NEBL: variants seen among roughly 807,000 people sequenced by gnomAD.
NEBL encodes the protein nebulette.
Under a neutral mutation model 140.2 loss-of-function variants are expected in NEBL, and 122 were observed. The ratio of observed to expected loss-of-function variants is 0.87; its 90% CI spans 0.75 to 1.01. The LOEUF (loss-of-function observed/expected upper bound fraction) is 1.01, where lower values mean the gene tolerates loss of function less well. Among genes scored for constraint, NEBL ranks in the 50% least tolerant of loss-of-function variants. The pLI is 0.00. For synonymous variants in NEBL, 436 were observed against 398.9 expected, an observed-to-expected ratio of 1.09 and a Z score of -1.11; for missense variants, 1,365 against 1,231.3, an observed-to-expected ratio of 1.11 and a Z score of -1.62.
intron 2 of NEBL, among the ~76,000 whole-genome samples, chr10:21,107,156 T>A (rs1332927095): frequency 6.6e-6 from 1 of 152,220 alleles, no homozygotes; most frequent in Non-Finnish European, 1.5e-5. Context: ...CCTCTTTTCC[T>A]AATTGAATAC....
rs1837179536 is a variant in NEBL at position 20,984,529 on chromosome 10, A to G, written c.250-22750T>C. Among the ~76,000 whole-genome samples the G allele has an allele frequency of 2.0e-5, 3 of 152,126 alleles. 1 individual carries two copies. The South Asian group carries it at 6.2e-4, about 32-fold the overall frequency. ...TTTGACAATGAGATGTCTCTCCCCT[A>G]GTTGAAATTCGACTTGTTTTAAGCC... On this transcript the variant is annotated intron_variant, in intron 3 of 6. Coordinates refer to the NEBL transcript ENST00000417816.
chr10:21,191,197 A>T (rs1246871132), intron 3 of NEBL, among the ~76,000 whole-genome samples: 2 of 152,156 alleles, frequency 1.3e-5, no homozygotes, highest in Non-Finnish European at 2.9e-5. Context: ...AGTACTCTTA[A>T]ATCTGATATA....
At chr10:21,061,316 A>AAC (rs1263398978) in intron 2 of NEBL, among the ~76,000 whole-genome samples, 2,047 of 139,074 alleles carry the variant, frequency 0.015, 51 homozygotes, top group East Asian at 0.049. Flanking sequence ...TGTGATATGT[A>AAC]ATATATTACA....
chr10:21,118,047 T>C (rs1405327703), intron 2 of NEBL, among the ~76,000 whole-genome samples: 3 of 152,160 alleles, frequency 2.0e-5, no homozygotes, highest in African/African-American at 7.2e-5. Context: ...TAGCCATCAT[T>C]ATGATTTCCT....
chr10:21,214,443 A>G (rs1199764452), intron 3 of NEBL, among the ~76,000 whole-genome samples: 2 of 152,108 alleles, frequency 1.3e-5, no homozygotes, highest in Non-Finnish European at 2.9e-5. Context: ...TAACTACCCC[A>G]TACACACATG....
intron 2 of NEBL, among the ~76,000 whole-genome samples, chr10:21,086,668 C>T (rs1836646076): frequency 6.6e-6 from 1 of 152,076 alleles, no homozygotes. Context: ...GTCCCAGCTA[C>T]TTGGAAGCCA....
At chr10:20,823,614 A>G (rs1311624307) in intron 18 of NEBL, among the ~76,000 whole-genome samples, 1 of 152,186 alleles carries the variant, frequency 6.6e-6, no homozygotes, top group African/African-American at 2.4e-5. Context: ...ATTATCGTAA[A>G]TAAAATGATT....
chr10:20,816,467 T>C (rs896950378), intron 21 of NEBL, among the ~76,000 whole-genome samples: 1 of 152,186 alleles, frequency 6.6e-6, no homozygotes, highest in African/African-American at 2.4e-5. Flanking sequence ...CTTGTCTAAA[T>C]AACCATGTTC....
At chr10:21,110,214 T>G (rs1457785274) in intron 2 of NEBL, among the ~76,000 whole-genome samples, 1 of 152,180 alleles carries the variant, frequency 6.6e-6, no homozygotes, top group Non-Finnish European at 1.5e-5. Context: ...TTCTATTTAC[T>G]GAAAGAGTCT....
intron 3 of NEBL, among the ~76,000 whole-genome samples, chr10:20,991,131 T>C (rs1295122145): frequency 6.6e-6 from 1 of 152,220 alleles, no homozygotes. Flanking sequence ...TTGGTTCATT[T>C]AACAATTTTC....
intron 4 of NEBL, among the ~76,000 whole-genome samples, chr10:20,904,539 T>C (rs1252699497): frequency 6.6e-6 from 1 of 152,224 alleles, no homozygotes; most frequent in East Asian, 1.9e-4. Context: ...CTCTCAATTG[T>C]GAAATTTAGC....
intron 2 of NEBL, among the ~76,000 whole-genome samples, chr10:21,251,443 T>C (rs909076072): frequency 2.0e-5 from 3 of 152,156 alleles, no homozygotes; most frequent in Admixed American, 6.6e-5. Flanking sequence ...TATTTAATAT[T>C]AAGATTTTCT....
intron 4 of NEBL, among the ~76,000 whole-genome samples, chr10:20,957,425 C>G (rs1484593648): frequency 9.2e-5 from 14 of 152,130 alleles, no homozygotes; most frequent in Middle Eastern, 3.4e-3. Flanking sequence ...AGTAGGCAAG[C>G]AATTCTTATA....
intron 12 of NEBL, among the ~76,000 whole-genome samples, chr10:20,842,565 T>C (rs1841498387): frequency 2.0e-5 from 3 of 152,242 alleles, no homozygotes; most frequent in South Asian, 4.1e-4. Flanking sequence ...AGACAAGCTA[T>C]AACTATTTTT....
chr10:21,237,853 C>T (rs188844328), intron 3 of NEBL, among the ~76,000 whole-genome samples: 436 of 152,304 alleles, frequency 2.9e-3, no homozygotes, highest in Non-Finnish European at 5.1e-3. Flanking sequence ...GTGATCCACC[C>T]GCCTCAATCT....
chr10:20,947,722 C>A (rs901004002), intron 4 of NEBL, among the ~76,000 whole-genome samples: 2 of 149,802 alleles, frequency 1.3e-5, no homozygotes, highest in Admixed American at 6.7e-5. Flanking sequence ...CACACAGTGT[C>A]AGGAGACAAA....
chr10:21,107,884 G>C (rs959764950), intron 2 of NEBL, among the ~76,000 whole-genome samples: 12 of 152,084 alleles, frequency 7.9e-5, no homozygotes, highest in African/African-American at 2.7e-4. Context: ...ACTTCTCCCT[G>C]GTTTAGTCTT....
chr10:20,877,448 C>T (rs1344195837), intron 5 of NEBL, among the ~76,000 whole-genome samples: 6 of 152,182 alleles, frequency 3.9e-5, no homozygotes, highest in East Asian at 3.8e-4. Flanking sequence ...GGAAGTCCTT[C>T]GTAAGACTTT....
chr10:21,160,641 G>T (rs934396407), intron 2 of NEBL, among the ~76,000 whole-genome samples: 11 of 151,450 alleles, frequency 7.3e-5, no homozygotes, highest in African/African-American at 2.4e-4. Context: ...AGAGATAGTG[G>T]GGTTGGGGAG....
Sources: gnomAD v4.1 joint callset for allele counts (sites outside exome capture counted in the v4.1 genomes callset) on GRCh38, gnomAD v4.1.1 for gene constraint, MANE v1.5 for transcripts, NCBI Gene and HGNC (gene_info 2026-07-23, HGNC 2026-07-21) for gene names.